The following LAMA1 variants were observed in gnomAD, a reference collection of about 807,000 sequenced individuals.
The protein encoded by LAMA1 is laminin subunit alpha-1.
In LAMA1, 219 loss-of-function variants were observed where a neutral mutation model predicts 348.7. The observed-to-expected ratio is 0.63, with a 90% CI of 0.56 to 0.70. The LOEUF (loss-of-function observed/expected upper bound fraction) is 0.70. Ranked by LOEUF, LAMA1 falls within the 30% of genes least tolerant of loss-of-function variation. LAMA1 has a pLI of 0.00. For missense variants in LAMA1, 3,744 were observed against 3,888.0 expected (o/e 0.96, Z 0.99); for synonymous variants, 1,487 against 1,491.0 (o/e 1.00, Z 0.06).
chr18:7,039,805 T>G (rs936126663), intron 10 of LAMA1, among the ~76,000 whole-genome samples: 3 of 152,128 alleles, frequency 2.0e-5, no homozygotes, highest in African/African-American at 7.2e-5. Flanking sequence ...TATAAAGGTA[T>G]GCAGTGTTTG....
At chr18:7,045,677 A>G (rs964306488) in intron 6 of LAMA1, among the ~76,000 whole-genome samples, 2 of 151,860 alleles carry the variant, frequency 1.3e-5, no homozygotes, top group African/African-American at 2.4e-5. Context: ...TCCTGCCTCA[A>G]CCTCTCGAGT....
intron 32 of LAMA1, among the ~76,000 whole-genome samples, chr18:6,998,465 T>C (rs2057792775): frequency 6.6e-6 from 1 of 152,158 alleles, no homozygotes; most frequent in Non-Finnish European, 1.5e-5. Context: ...CCCACTGCAC[T>C]GAATCCCAGC....
rs376469891 is a variant in LAMA1 at position 7,049,107 on chromosome 18, T to C, written c.739A>G (p.Lys247Glu). 9.9e-6 allele frequency: 16 copies of C among 1,614,146 alleles called. No homozygotes were observed. The highest frequency in any genetic ancestry group is 1.4e-5 in the Non-Finnish European group (16 of 1,180,010). The change falls in exon 5 of 63, where the codon AAA (lysine) becomes GAA (glutamate). Residue 247 changes from lysine (K) to glutamate (E), a missense_variant. Lys to Glu is a moderately conservative substitution (Grantham distance 56). Around this residue, in one of 3 missense-constraint regions of LAMA1, gnomAD observed 1,529 missense variants for 1,689.4 expected, o/e 0.91. Coordinates refer to ENST00000389658, the MANE Select transcript of LAMA1 (RefSeq NM_005559.4). ...CTGGTAACAATAGGATCCAGTTCTT[T>C]AGGTTCCCGGTGGCTAAGGGTCATG... ...DLMTLSHREP[K>E]ELDPIVTRRY...
intron 1 of LAMA1, among the ~76,000 whole-genome samples, chr18:7,107,309 G>A (rs1330231685): frequency 6.6e-6 from 1 of 151,894 alleles, no homozygotes; most frequent in Non-Finnish European, 1.5e-5. Context: ...TAGTGGAGAC[G>A]GAGTTTCACT....
intron 30 of LAMA1, 27 bp downstream of exon 30, chr18:7,002,237 A>T (rs1231544074): frequency 1.2e-6 from 2 of 1,608,656 alleles, no homozygotes; most frequent in South Asian, 2.2e-5. Flanking sequence ...GCAGCCCAGC[A>T]TGCCAGCTGC....
At chr18:7,061,412 A>G (rs2143747327) in intron 3 of LAMA1, among the ~76,000 whole-genome samples, 1 of 152,344 alleles carries the variant, frequency 6.6e-6, no homozygotes, top group South Asian at 2.1e-4. Context: ...TAAGATCCAC[A>G]TGACAGCCAA....
rs767943611 is a variant in LAMA1 at position 7,009,321 on chromosome 18, G to A, written c.3919C>T (p.Arg1307Ter). The change falls in exon 27 of 63, where the codon CGA becomes TGA. Residue 1307 changes from arginine to a stop codon, truncating the protein, a stop_gained. Coordinates refer to ENST00000389658, the MANE Select transcript of LAMA1 (RefSeq NM_005559.4). LOFTEE classifies it high-confidence loss of function. ...CTGAGGACAGACATAAAATCCTCTC[G>A]CGTGACAGGTTTTTCAGAAACAGAG... ...FNSVSEKPVT[R>*]EDFMSVLSDI... is the part of the protein sequence containing the mutation. 26 of 1,613,792 alleles carry A rather than the reference G, an allele frequency of 1.6e-5. No homozygotes were observed. Among genetic ancestry groups the A allele is most frequent in the African/African-American group, 2.7e-5 (2 of 74,926 alleles).
intron 28 of LAMA1, 56 bp from the exon 29 acceptor site, chr18:7,007,332 C>G: frequency 6.5e-7 from 1 of 1,542,394 alleles, no homozygotes; most frequent in Non-Finnish European, 8.8e-7. Flanking sequence ...GAGTGAAGGA[C>G]TTGAATAGAC....
At chr18:6,956,819 T>C (rs942551428) in intron 55 of LAMA1, 54 bp from the exon 56 acceptor site, 1 of 1,583,442 alleles carries the variant, frequency 6.3e-7, no homozygotes, top group Non-Finnish European at 8.7e-7. Context: ...AACCAGTCCA[T>C]GAACCCAAGT....
In LAMA1 at chr18:7,008,529, T is replaced by A. The variant is rs1416216262; in HGVS notation, c.4081A>T (p.Asn1361Tyr). 1 of 1,614,048 alleles carries A rather than the reference T, an allele frequency of 6.2e-7. No individual in the cohort carries two copies. The highest frequency in any genetic ancestry group is 8.5e-7 in the Non-Finnish European group (1 of 1,179,958). Residue 1361 changes from asparagine to tyrosine, a missense_variant, in exon 28 of 63, where the codon AAT (asparagine) becomes TAT (tyrosine). This residue lies in a region of LAMA1 where 1,983 missense variants were observed against 1,934.3 expected (regional missense o/e 1.03). Coordinates refer to ENST00000389658, the MANE Select transcript of LAMA1 (RefSeq NM_005559.4). ...PEEEVASLLE[N>Y]CVCPPGTVGF... is the part of the protein sequence containing the mutation. ...ACAGTGCCAGGAGGACAGACACAAT[T>A]CTCTAAAAGAGATGCAACCTCTTCT... is the stretch of plus-strand genomic sequence containing the variant.
chr18:7,067,683 C>T (rs998598943), intron 3 of LAMA1, among the ~76,000 whole-genome samples: 2 of 151,968 alleles, frequency 1.3e-5, no homozygotes, highest in African/African-American at 4.8e-5. Flanking sequence ...CAATTATGTC[C>T]CAATAAATAG....
intron 36 of LAMA1, among the ~76,000 whole-genome samples, chr18:6,991,969 T>A (rs1278762425): frequency 6.6e-6 from 1 of 152,202 alleles, no homozygotes; most frequent in Non-Finnish European, 1.5e-5. Flanking sequence ...ACTTCAGACA[T>A]TCATTACAAC....
chr18:7,069,725 C>T (rs1023394669), intron 3 of LAMA1, among the ~76,000 whole-genome samples: 1 of 152,146 alleles, frequency 6.6e-6, no homozygotes, highest in Non-Finnish European at 1.5e-5. Flanking sequence ...CCTGAACTCT[C>T]ATGAACATAG....
intron 19 of LAMA1, among the ~76,000 whole-genome samples, chr18:7,020,103 G>A (rs1313135072): frequency 6.6e-6 from 1 of 152,144 alleles, no homozygotes; most frequent in Non-Finnish European, 1.5e-5. Flanking sequence ...ATTCTCAGGA[G>A]TAGCTCACAA....
intron 3 of LAMA1, among the ~76,000 whole-genome samples, chr18:7,073,048 A>C (rs943063038): frequency 9.9e-5 from 15 of 152,058 alleles, no homozygotes; most frequent in Non-Finnish European, 4.4e-5. Context: ...TGCTATAACC[A>C]CACCCTCCTG....
At chr18:7,064,722 A>C (rs2058115555) in intron 3 of LAMA1, among the ~76,000 whole-genome samples, 1 of 152,230 alleles carries the variant, frequency 6.6e-6, no homozygotes, top group Non-Finnish European at 1.5e-5. Context: ...CTAGAGACCT[A>C]CTAAGTGGTT....
chr18:7,032,873 A>G, intron 15 of LAMA1, 111 bp downstream of exon 15: 1 of 803,198 alleles, frequency 1.2e-6, no homozygotes, highest in Middle Eastern at 2.2e-4. Flanking sequence ...TGAGCCAAAC[A>G]TTGGGCTGCT....
At chr18:6,973,228 C>G in intron 46 of LAMA1, 21 bp from the exon 47 acceptor site, 1 of 1,612,946 alleles carries the variant, frequency 6.2e-7, no homozygotes, top group Non-Finnish European at 8.5e-7. Flanking sequence ...CAAAGAATTG[C>G]AAAAGAAATT....
At position 7,117,762 on chromosome 18, in the gene LAMA1, C is replaced by T. The variant is rs753265226; in HGVS notation, c.-42G>A. On this transcript the variant is annotated 5_prime_UTR_variant, in exon 1 of 63. Transcript: ENST00000389658. Reference sequence around the variant, plus strand: ...CTCGGTGGGTCTGGGGAGAAAGCCGCGCGCCCGCCTGGAACGCTCCACGGG... The same window carrying T: ...CTCGGTGGGTCTGGGGAGAAAGCCGTGCGCCCGCCTGGAACGCTCCACGGG... The T allele has an allele frequency of 6.4e-7, 1 of 1,566,182 alleles. No individual in the cohort carries two copies. Among genetic ancestry groups the T allele is most frequent in the South Asian group, 1.1e-5 (1 of 88,210 alleles).
Sources: allele counts gnomAD v4.1 joint callset (sites outside exome capture counted in the v4.1 genomes callset), GRCh38; gene constraint gnomAD v4.1.1; regional missense constraint gnomAD v4.1.1; transcripts MANE v1.5; gene names NCBI Gene and HGNC (gene_info 2026-07-23, HGNC 2026-07-21).